The following MTAP variants were observed in gnomAD, a reference collection of about 807,000 sequenced individuals.
MTAP encodes the protein S-methyl-5'-thioadenosine phosphorylase.
In MTAP, 33 loss-of-function variants were observed where a neutral mutation model predicts 33.6. The observed-to-expected ratio is 0.98, with a 90% CI of 0.74 to 1.31. MTAP has a LOEUF of 1.31. MTAP is among the 40% of genes most tolerant of loss of function. The pLI is 0.00. For missense variants in MTAP, 367 were observed against 360.0 expected (o/e 1.02, Z -0.16); for synonymous variants, 148 against 125.7 (o/e 1.18, Z -1.19).
chr9:21,816,734 G>A lies in MTAP; in HGVS notation c.141G>A (p.Leu47=), dbSNP rs755463749. The A allele has an allele frequency of 1.2e-6, 2 of 1,611,540 alleles. No individual in the cohort carries two copies. Among genetic ancestry groups the A allele is most frequent in the Non-Finnish European group, 1.7e-6 (2 of 1,179,082 alleles). ...TGCAGCCATCTGATGCCTTAATTTT[G>A]GGGAAGATAAAAAATGTTGATTGCG... The part of the protein sequence containing the change: ...PFGKPSDALI[L]GKIKNVDCVL... The change falls in exon 3 of 8, where the codon TTG becomes TTA. Residue 47 remains leucine (L), a synonymous_variant. Coordinates refer to ENST00000644715, the MANE Select transcript of MTAP (RefSeq NM_002451.4).
intron 1 of MTAP, among the ~76,000 whole-genome samples, chr9:21,882,457 T>A (rs1397129601): frequency 6.6e-6 from 1 of 151,998 alleles, no homozygotes; most frequent in East Asian, 1.9e-4. Context: ...AATATTAGAT[T>A]GTTAGGATGG....
chr9:21,821,680 G>A (rs1396430764), intron 4 of MTAP, among the ~76,000 whole-genome samples: 1 of 152,114 alleles, frequency 6.6e-6, no homozygotes, highest in Non-Finnish European at 1.5e-5. Context: ...TTATTGATTG[G>A]AATAGTTTCA....
chr9:21,877,932 G>A (rs1275725968), intron 1 of MTAP, among the ~76,000 whole-genome samples: 1 of 152,094 alleles, frequency 6.6e-6, no homozygotes, highest in Non-Finnish European at 1.5e-5. Context: ...AGTAGGACTG[G>A]TACCAGCTTT....
chr9:21,868,883 C>G (rs1435143660), downstream of MTAP, among the ~76,000 whole-genome samples: 1 of 152,304 alleles, frequency 6.6e-6, no homozygotes, highest in East Asian at 1.9e-4. Flanking sequence ...CCCAGAGTTT[C>G]CGATTCAGGA....
intron 1 of MTAP, among the ~76,000 whole-genome samples, chr9:21,807,966 C>G (rs771175187): frequency 5.3e-5 from 8 of 152,200 alleles, no homozygotes; most frequent in Non-Finnish European, 8.8e-5. Context: ...TGGTTGTAGT[C>G]ATGGCATTCC....
chr9:21,910,650 T>C (rs573365663), intron 1 of MTAP, among the ~76,000 whole-genome samples: 9 of 152,270 alleles, frequency 5.9e-5, no homozygotes, highest in African/African-American at 2.2e-4. Context: ...GGTTTGGAGA[T>C]ATTGTGGGGG....
intron 1 of MTAP, among the ~76,000 whole-genome samples, chr9:21,872,990 A>C (rs934628204): frequency 6.6e-6 from 1 of 152,180 alleles, no homozygotes; most frequent in African/African-American, 2.4e-5. Flanking sequence ...AAGGGAATGA[A>C]TGTTTACAAA....
At chr9:21,839,467 G>C (rs559694879) in intron 5 of MTAP, among the ~76,000 whole-genome samples, 1 of 152,316 alleles carries the variant, frequency 6.6e-6, no homozygotes, top group South Asian at 2.1e-4. Flanking sequence ...ACTAGGAGTA[G>C]AGGTAGATGG....
At chr9:21,879,310 T>G (rs1211914166) in intron 1 of MTAP, among the ~76,000 whole-genome samples, 1 of 152,160 alleles carries the variant, frequency 6.6e-6, no homozygotes, top group Admixed American at 6.6e-5. Context: ...TATAATGCCC[T>G]TCTTTATCTT....
intron 6 of MTAP, among the ~76,000 whole-genome samples, chr9:21,857,631 A>G (rs1472859978): frequency 2.0e-5 from 3 of 152,216 alleles, no homozygotes; most frequent in Non-Finnish European, 2.9e-5. Flanking sequence ...GCTTCCATGA[A>G]TTCAGCATCT....
intron 1 of MTAP, among the ~76,000 whole-genome samples, chr9:21,897,223 A>T (rs563238787): frequency 7.9e-5 from 12 of 152,280 alleles, no homozygotes; most frequent in African/African-American, 2.9e-4. Context: ...TATTGATGGG[A>T]TGTATCTCAA....
intron 1 of MTAP, among the ~76,000 whole-genome samples, chr9:21,803,663 G>A (rs1372939485): frequency 6.6e-6 from 1 of 152,154 alleles, no homozygotes; most frequent in East Asian, 1.9e-4. Flanking sequence ...ATTACAGCAC[G>A]TAAAGAAAAA....
intron 1 of MTAP, among the ~76,000 whole-genome samples, chr9:21,811,321 G>A (rs996991306): frequency 5.3e-5 from 8 of 152,142 alleles, no homozygotes; most frequent in Admixed American, 2.6e-4. Context: ...GACAGAGTAG[G>A]GGTTACTATG....
At chr9:21,873,727 T>C (rs1825967845) in intron 1 of MTAP, among the ~76,000 whole-genome samples, 1 of 151,654 alleles carries the variant, frequency 6.6e-6, no homozygotes, top group African/African-American at 2.4e-5. Context: ...AAGTGTTCAT[T>C]TTACCTCAAT....
intron 5 of MTAP, among the ~76,000 whole-genome samples, chr9:21,849,846 G>C (rs1030349147): frequency 6.6e-6 from 1 of 152,324 alleles, no homozygotes; most frequent in East Asian, 1.9e-4. Context: ...TACCAGATGT[G>C]ATTTCATTGC....
At chr9:21,909,450 T>C (rs1178664588) in intron 1 of MTAP, among the ~76,000 whole-genome samples, 1 of 152,182 alleles carries the variant, frequency 6.6e-6, no homozygotes, top group Non-Finnish European at 1.5e-5. Flanking sequence ...ATGGTTTTGC[T>C]GTTCAGTATA....
intron 1 of MTAP, among the ~76,000 whole-genome samples, chr9:21,907,204 A>T (rs1818490388): frequency 6.6e-6 from 1 of 152,250 alleles, no homozygotes; most frequent in Admixed American, 6.5e-5. Context: ...TTAGGTTCTA[A>T]TGCACTAACC....
intron 1 of MTAP, among the ~76,000 whole-genome samples, chr9:21,813,093 G>C (rs1001397991): frequency 2.0e-5 from 3 of 152,170 alleles, no homozygotes; most frequent in Non-Finnish European, 4.4e-5. Context: ...AGACTCAAAG[G>C]AATGTGGATA....
chr9:21,823,809 T>G (rs1398659125), intron 4 of MTAP, among the ~76,000 whole-genome samples: 1 of 152,228 alleles, frequency 6.6e-6, no homozygotes, highest in African/African-American at 2.4e-5. Flanking sequence ...CTTCGTTCAT[T>G]TCTTTTTACT....
Sources: allele counts gnomAD v4.1 joint callset (sites outside exome capture counted in the v4.1 genomes callset), GRCh38; gene constraint gnomAD v4.1.1; transcripts MANE v1.5; gene names NCBI Gene and HGNC (gene_info 2026-07-23, HGNC 2026-07-21).